The following SPIRE1 variants were observed in gnomAD, a reference collection of about 807,000 sequenced individuals.
SPIRE1 encodes the protein protein spire homolog 1.
In SPIRE1, 40 loss-of-function variants were observed where a neutral mutation model predicts 94.1. The observed-to-expected ratio is 0.43, with a 90% CI of 0.33 to 0.55. The LOEUF (loss-of-function observed/expected upper bound fraction) is 0.55. Ranked by LOEUF, SPIRE1 falls within the 20% of genes least tolerant of loss-of-function variation. The pLI is 0.06. For synonymous variants in SPIRE1, 376 were observed against 371.7 expected (o/e 1.01, Z -0.13); for missense variants, 838 against 975.2 (o/e 0.86, Z 1.87).
chr18:12,502,670 A>G (rs79466439), intron 6 of SPIRE1, among the ~76,000 whole-genome samples: 1,844 of 152,326 alleles, frequency 0.012, 26 homozygotes, highest in Admixed American at 0.025. Flanking sequence ...ACCAATAAAA[A>G]TTTAAACCAT....
intron 3 of SPIRE1, among the ~76,000 whole-genome samples, chr18:12,543,020 G>T (rs975652540): frequency 1.3e-5 from 2 of 152,062 alleles, no homozygotes; most frequent in Non-Finnish European, 2.9e-5. Context: ...TAGAGATGGG[G>T]TTTCACTATG....
chr18:12,501,049 G>A (rs1370644469), intron 6 of SPIRE1, among the ~76,000 whole-genome samples: 1 of 129,158 alleles, frequency 7.7e-6, no homozygotes, highest in Non-Finnish European at 1.5e-5. Context: ...TCCATCCGGG[G>A]CAACAACAGT....
chr18:12,457,553 G>A (rs1021675632), intron 12 of SPIRE1, among the ~76,000 whole-genome samples: 2 of 152,140 alleles, frequency 1.3e-5, no homozygotes, highest in African/African-American at 2.4e-5. Flanking sequence ...CCACACTAGC[G>A]CACCTCTAGT....
chr18:12,534,860 T>C (rs2144196360), intron 4 of SPIRE1, among the ~76,000 whole-genome samples: 1 of 152,292 alleles, frequency 6.6e-6, no homozygotes, highest in South Asian at 2.1e-4. Context: ...CCTGGCCCCC[T>C]TTCATATACC....
At chr18:12,545,504 A>G (rs980287615) in intron 3 of SPIRE1, among the ~76,000 whole-genome samples, 1 of 152,194 alleles carries the variant, frequency 6.6e-6, no homozygotes, top group Non-Finnish European at 1.5e-5. Flanking sequence ...GAGATACACC[A>G]TTGACACTGC....
At chr18:12,496,860 C>A (rs544803138) in intron 6 of SPIRE1, among the ~76,000 whole-genome samples, 1 of 151,772 alleles carries the variant, frequency 6.6e-6, no homozygotes, top group African/African-American at 2.4e-5. Flanking sequence ...CAAAGCAAGA[C>A]TCCGTCTCAA....
chr18:12,464,737 G>A (rs534851647), intron 11 of SPIRE1, 131 bp downstream of exon 11: 8 of 677,910 alleles, frequency 1.2e-5, no homozygotes, highest in East Asian at 8.1e-5. Flanking sequence ...TTCATCTCCC[G>A]ATCAGTGAAA....
chr18:12,525,526 T>A (rs2034495945), intron 4 of SPIRE1, among the ~76,000 whole-genome samples: 1 of 151,952 alleles, frequency 6.6e-6, no homozygotes, highest in African/African-American at 2.4e-5. Flanking sequence ...GAAATTCTTT[T>A]CTCTTGCTGC....
rs11390238 is a variant in SPIRE1, at chr18:12,608,157, C to CAA, written c.372+26903_372+26904dup. Among the ~76,000 whole-genome samples the CAA allele has an allele frequency of 3.6e-3, 468 of 129,058 alleles. 5 individuals carry two copies. The highest frequency in any genetic ancestry group is 0.017 in the Middle Eastern group (4 of 242). The allele number at this position is 129,058 out of a possible 152,430, so 84.7% of individuals were successfully genotyped here. ...TGGGTGACAGAGCGAGACTCCATCT[C>CAA]AAAAAAAAAAAAAAAAATCTCACCT... is the stretch of plus-strand genomic sequence containing the variant. On this transcript the variant is annotated intron_variant, in intron 2 of 16. Coordinates refer to ENST00000409402, the MANE Select transcript of SPIRE1 (RefSeq NM_001128626.2).
At chr18:12,480,464 T>C (rs2032797637) in intron 9 of SPIRE1, among the ~76,000 whole-genome samples, 1 of 152,118 alleles carries the variant, frequency 6.6e-6, no homozygotes, top group Admixed American at 6.6e-5. Flanking sequence ...GGGGGATGGT[T>C]TGGGTCTCTA....
intron 2 of SPIRE1, among the ~76,000 whole-genome samples, chr18:12,571,481 T>TG (rs1437844810): frequency 6.6e-6 from 1 of 152,228 alleles, no homozygotes; most frequent in African/African-American, 2.4e-5. Flanking sequence ...AATCTGGGTA[T>TG]GCATTCTGCG....
chr18:12,456,854 T>C (rs2031530284), intron 12 of SPIRE1, among the ~76,000 whole-genome samples: 1 of 152,252 alleles, frequency 6.6e-6, no homozygotes, highest in Admixed American at 6.5e-5. Context: ...TTCTTTCGTT[T>C]TGAGACAAGG....
intron 4 of SPIRE1, among the ~76,000 whole-genome samples, chr18:12,521,115 G>A (rs1026713853): frequency 2.6e-5 from 4 of 152,072 alleles, no homozygotes; most frequent in African/African-American, 9.7e-5. Context: ...TAACAGCCTA[G>A]TCATTTTAGA....
chr18:12,605,723 T>C (rs138087127), intron 2 of SPIRE1, among the ~76,000 whole-genome samples: 49 of 152,294 alleles, frequency 3.2e-4, no homozygotes, highest in Admixed American at 1.7e-3. Flanking sequence ...GAATTACTCC[T>C]AGGTACAAAG....
chr18:12,455,306 T>C (rs971107480), intron 12 of SPIRE1, among the ~76,000 whole-genome samples: 8 of 152,204 alleles, frequency 5.3e-5, no homozygotes, highest in Non-Finnish European at 8.8e-5. Context: ...TAATTTTTAC[T>C]GACAAGCATT....
intron 12 of SPIRE1, among the ~76,000 whole-genome samples, chr18:12,458,334 A>G (rs1260129926): frequency 6.6e-6 from 1 of 151,512 alleles, no homozygotes; most frequent in African/African-American, 2.4e-5. Flanking sequence ...AGTGAAGGCC[A>G]GGCGCAGTGG....
At chr18:12,620,198 T>C (rs1364066755) in intron 2 of SPIRE1, among the ~76,000 whole-genome samples, 2 of 152,050 alleles carry the variant, frequency 1.3e-5, no homozygotes, top group Non-Finnish European at 2.9e-5. Context: ...CCTAAATAAA[T>C]GGGAAGACAT....
chr18:12,453,480 C>T (rs1410191575), intron 13 of SPIRE1, among the ~76,000 whole-genome samples: 4 of 148,140 alleles, frequency 2.7e-5, no homozygotes, highest in African/African-American at 5.0e-5. Flanking sequence ...TTCGCCTAGG[C>T]TGGAGTGCAA....
chr18:12,631,192 C>T (rs1040686723), intron 2 of SPIRE1, among the ~76,000 whole-genome samples: 7 of 152,038 alleles, frequency 4.6e-5, no homozygotes, highest in African/African-American at 1.7e-4. Context: ...TCTCTTTACA[C>T]ACTAAAAAAT....
Sources: gnomAD v4.1 joint callset for allele counts (sites outside exome capture counted in the v4.1 genomes callset) on GRCh38, gnomAD v4.1.1 for gene constraint, MANE v1.5 for transcripts, NCBI Gene and HGNC (gene_info 2026-07-23, HGNC 2026-07-21) for gene names.